ICA1L: variants seen among roughly 807,000 people sequenced by gnomAD.
ICA1L encodes islet cell autoantigen 1-like protein.
A neutral mutation model predicts 61.3 loss-of-function variants in ICA1L; 50 were observed. That is an observed-to-expected ratio of 0.82 (90% confidence interval 0.65 to 1.03). The LOEUF (loss-of-function observed/expected upper bound fraction) is 1.03, where lower values mean the gene tolerates loss of function less well. Among genes scored for constraint, ICA1L ranks in the 50% least tolerant of loss-of-function variants. The pLI, the probability that ICA1L is intolerant of heterozygous loss-of-function variation, is 0.00. For synonymous variants in ICA1L, 161 were observed against 191.3 expected (o/e 0.84, Z 1.31); for missense variants, 508 against 556.7 (o/e 0.91, Z 0.88).
intron 9 of ICA1L, among the ~76,000 whole-genome samples, chr2:202,800,726 G>C (rs1256371007): frequency 6.6e-6 from 1 of 152,070 alleles, no homozygotes; most frequent in Non-Finnish European, 1.5e-5. Flanking sequence ...ATACATCTAA[G>C]GACAAAGTAA....
At chr2:202,868,724 T>A (rs1054600670) in intron 1 of ICA1L, among the ~76,000 whole-genome samples, 1 of 151,962 alleles carries the variant, frequency 6.6e-6, no homozygotes, top group Non-Finnish European at 1.5e-5. Flanking sequence ...CCCAGCAATT[T>A]GGGAGGCTGA....
In ICA1L at chr2:202,774,721, T is replaced by G. The variant is rs1161080366; in HGVS notation, c.*4812A>C. ...AAAAAGAGAATTTCACTGGTGCATTTAAATGTTACTAGGTCATGGGCAAGG... is the reference window on the plus strand; with the variant it reads ...AAAAAGAGAATTTCACTGGTGCATTGAAATGTTACTAGGTCATGGGCAAGG... On this transcript the variant is annotated 3_prime_UTR_variant, in exon 13 of 13. Transcript: ENST00000358299. The G allele has an allele frequency of 6.2e-6, 1 of 162,084 alleles. No homozygotes were observed. The highest frequency in any genetic ancestry group is 1.3e-5 in the Non-Finnish European group (1 of 74,970). 10.0% of individuals were successfully genotyped at this position (162,084 alleles called of 1,614,324 possible).
At chr2:202,811,227 C>T (rs1376748802) in intron 9 of ICA1L, among the ~76,000 whole-genome samples, 1 of 152,112 alleles carries the variant, frequency 6.6e-6, no homozygotes, top group Admixed American at 6.5e-5. Flanking sequence ...AAATTTCTCT[C>T]TTTTGTACTC....
intron 8 of ICA1L, 107 bp from the exon 9 acceptor site, chr2:202,811,896 A>G: frequency 1.3e-6 from 1 of 789,372 alleles, no homozygotes; most frequent in Non-Finnish European, 2.2e-6. Context: ...CTCAGGAAAC[A>G]TAAAATCATT....
intron 3 of ICA1L, 71 bp from the exon 4 acceptor site, chr2:202,821,552 A>C: frequency 1.7e-6 from 2 of 1,163,088 alleles, no homozygotes; most frequent in African/African-American, 1.5e-5. Flanking sequence ...CACAACTAAA[A>C]ATCTCACAGC....
chr2:202,779,888 TC>T (rs977275969), intron 12 of ICA1L, among the ~76,000 whole-genome samples: 8 of 151,442 alleles, frequency 5.3e-5, no homozygotes, highest in Non-Finnish European at 1.2e-4. Context: ...CAAGTGATTC[TC>T]CCACCTCAGC....
In ICA1L at chr2:202,774,429, C is replaced by G. The variant is rs1022148769; in HGVS notation, c.*5104G>C. The G allele has an allele frequency of 1.6e-5, 12 of 772,962 alleles. No individual in the cohort carries two copies. In the South Asian group the frequency reaches 2.8e-4, roughly 18 times the overall value. The allele number at this position is 772,962 out of a possible 1,614,324, so 47.9% of individuals were successfully genotyped here. A position where few individuals can be genotyped will look rare whatever the true frequency, so the allele number is the denominator to read the frequency against. On this transcript the variant is annotated 3_prime_UTR_variant, in exon 13 of 13. Coordinates refer to ENST00000358299, the MANE Select transcript of ICA1L (RefSeq NM_001288622.3). ...AGCCAGGGTCGAGCCCCTGGCTCCCCGTTCGTCCAGGCCAGCTCAAGAAAC... is the reference window on the plus strand; with the variant it reads ...AGCCAGGGTCGAGCCCCTGGCTCCCGGTTCGTCCAGGCCAGCTCAAGAAAC...
At chr2:202,858,226 C>T (rs527542355) in intron 1 of ICA1L, among the ~76,000 whole-genome samples, 110 of 152,202 alleles carry the variant, frequency 7.2e-4, no homozygotes, top group African/African-American at 2.6e-3. Flanking sequence ...AACCCAAATG[C>T]CCATCAATGA....
At chr2:202,779,763 A>AGATT in intron 12 of ICA1L, 115 bp from the exon 13 acceptor site, 1 of 618,482 alleles carries the variant, frequency 1.6e-6, no homozygotes, top group Non-Finnish European at 2.8e-6. Context: ...AAATTAAGAT[A>AGATT]ACTGACAATA....
At chr2:202,792,733 A>C (rs1198855861) in intron 10 of ICA1L, among the ~76,000 whole-genome samples, 2 of 151,994 alleles carry the variant, frequency 1.3e-5, no homozygotes, top group Admixed American at 1.3e-4. Context: ...TTGAACCCAG[A>C]AGGCAGGTTG....
chr2:202,800,654 T>C (rs1382107899), intron 9 of ICA1L, among the ~76,000 whole-genome samples: 1 of 152,202 alleles, frequency 6.6e-6, no homozygotes, highest in Non-Finnish European at 1.5e-5. Flanking sequence ...AAAAATGAAA[T>C]GTAAATTTCT....
chr2:202,810,889 G>C (rs553335850), intron 9 of ICA1L, among the ~76,000 whole-genome samples: 1 of 152,262 alleles, frequency 6.6e-6, no homozygotes, highest in East Asian at 1.9e-4. Flanking sequence ...AGGCTTATTA[G>C]GACGAGGAAA....
At chr2:202,810,811 T>TG (rs1693355106) in intron 9 of ICA1L, among the ~76,000 whole-genome samples, 1 of 152,150 alleles carries the variant, frequency 6.6e-6, no homozygotes, top group African/African-American at 2.4e-5. Flanking sequence ...ATGGCTGCTT[T>TG]GGGGGCAGCT....
At position 202,855,892 on chromosome 2, in the gene ICA1L, C is replaced by T. The variant is rs182629277; in HGVS notation, c.-8+15727G>A. 5.5e-4 allele frequency among the ~76,000 whole-genome samples: 83 copies of T among 151,870 alleles called. 1 individual carries two copies. Among genetic ancestry groups the T allele is most frequent in the African/African-American group, 2.0e-3 (82 of 41,428 alleles). ...AGTTCAAGACCAGCCTGGCCAACAT[C>T]GTGAAACCCCGTCTCTACTAAAAAT... On this transcript the variant is annotated intron_variant, in intron 1 of 12. Coordinates refer to ENST00000358299, the MANE Select transcript of ICA1L (RefSeq NM_001288622.3).
chr2:202,862,528 T>C (rs1327449387), intron 1 of ICA1L, among the ~76,000 whole-genome samples: 8 of 152,054 alleles, frequency 5.3e-5, no homozygotes, highest in Non-Finnish European at 1.5e-5. Context: ...CCCAAATATT[T>C]GGAAATAACA....
At chr2:202,836,814 T>G (rs1242265468) in intron 1 of ICA1L, among the ~76,000 whole-genome samples, 1 of 147,434 alleles carries the variant, frequency 6.8e-6, no homozygotes, top group Non-Finnish European at 1.5e-5. Context: ...TAGATATATA[T>G]AGATATATAG....
At chr2:202,811,062 T>C (rs767500951) in intron 9 of ICA1L, among the ~76,000 whole-genome samples, 1 of 152,216 alleles carries the variant, frequency 6.6e-6, no homozygotes, top group Non-Finnish European at 1.5e-5. Context: ...TGATATCTTA[T>C]TACCTTGTGA....
intron 1 of ICA1L, among the ~76,000 whole-genome samples, chr2:202,834,750 C>CCAT (rs1308569085): frequency 6.6e-6 from 1 of 152,106 alleles, no homozygotes; most frequent in Non-Finnish European, 1.5e-5. Context: ...CCACCTCACT[C>CCAT]CATCATCATC....
intron 9 of ICA1L, among the ~76,000 whole-genome samples, chr2:202,809,215 C>G (rs1693307168): frequency 6.6e-6 from 1 of 151,834 alleles, no homozygotes. Flanking sequence ...TTTTAAAAAT[C>G]AAGCAGAAAT....
Sources: allele counts gnomAD v4.1 joint callset (sites outside exome capture counted in the v4.1 genomes callset), GRCh38; gene constraint gnomAD v4.1.1; transcripts MANE v1.5; gene names NCBI Gene and HGNC (gene_info 2026-07-23, HGNC 2026-07-21).